The following ERO1B variants were observed in gnomAD, a reference collection of about 807,000 sequenced individuals.
The protein encoded by ERO1B is ERO1-like protein beta.
A neutral mutation model predicts 75.3 loss-of-function variants in ERO1B; 49 were observed. The observed-to-expected ratio is 0.65, with a 90% CI of 0.52 to 0.83. The LOEUF is 0.83. ERO1B is among the 40% of genes least tolerant of loss of function. The pLI is 0.00. For synonymous variants in ERO1B, 191 were observed against 192.9 expected, an observed-to-expected ratio of 0.99 and a Z score of 0.08; for missense variants, 512 against 560.1, an observed-to-expected ratio of 0.91 and a Z score of 0.87.
rs1572028026 is a variant in ERO1B, at chr1:236,221,689, A to G, written c.1209+235T>C. 12 of 422,906 alleles carry G rather than the reference A, an allele frequency of 2.8e-5. No homozygotes were observed. The East Asian group carries it at 4.8e-4, about 17-fold the overall frequency. 26.2% of individuals were successfully genotyped at this position (422,906 alleles called of 1,614,324 possible). A position where few individuals can be genotyped will look rare whatever the true frequency, so the allele number is the denominator to read the frequency against. The stretch of plus-strand genomic sequence containing the variant: ...CACAAATGAATCTGGTATTGTATCA[A>G]TAGAAACATAGACACAATAAAACTA... On this transcript the variant is annotated intron_variant, in intron 14 of 15. Transcript: ENST00000354619.
At position 236,221,929 on chromosome 1, in the gene ERO1B, A is replaced by C; in HGVS notation, c.1204T>G (p.Leu402Val). 6.2e-7 allele frequency: 1 copy of C among 1,612,306 alleles called. No homozygotes were observed. The highest frequency in any genetic ancestry group is 8.5e-7 in the Non-Finnish European group (1 of 1,178,524). Residue 402 changes from leucine (L) to valine (V), a missense_variant, in exon 14 of 16, where the codon TTA (leucine) becomes GTA (valine). Physicochemically the swap from Leu to Val is conservative, Grantham distance 32. Coordinates refer to ENST00000354619, the MANE Select transcript of ERO1B (RefSeq NM_019891.4). ...AGAGAAGACAACACATATACCTGTA[A>C]TTTTCCCCATAATCTGCATTTGTCA... ...GCDKCRLWGK[L>V]QTQGLGTALK...
chr1:236,224,313 T>C (rs2102939273), intron 13 of ERO1B, among the ~76,000 whole-genome samples: 1 of 152,184 alleles, frequency 6.6e-6, no homozygotes, highest in African/African-American at 2.4e-5. Flanking sequence ...GACTATGAAG[T>C]TGTACTCAAA....
rs774233833 is a variant in ERO1B at position 236,270,005 on chromosome 1, T to C, written c.103-11A>G. On this transcript the variant is annotated splice_polypyrimidine_tract_variant and intron_variant, in intron 1 of 15. Coordinates refer to ENST00000354619, the MANE Select transcript of ERO1B (RefSeq NM_019891.4). ...CAGAACTCCAGTGACCTAGAATTTA[T>C]ATAATTTAAAATATGTAAACTACTG... 27 of 1,554,902 alleles carry C rather than the reference T, an allele frequency of 1.7e-5. No individual in the cohort carries two copies. Among genetic ancestry groups the C allele is most frequent in the Non-Finnish European group, 2.3e-5 (26 of 1,141,202 alleles).
intron 2 of ERO1B, among the ~76,000 whole-genome samples, chr1:236,265,033 A>G (rs890130656): frequency 1.6e-5 from 2 of 122,324 alleles, no homozygotes; most frequent in African/African-American, 2.7e-5. Flanking sequence ...TTATGGCTCT[A>G]GTTATTTTTT....
intron 8 of ERO1B, among the ~76,000 whole-genome samples, chr1:236,233,600 GAAAA>G (rs59372414): frequency 1.7e-5 from 2 of 119,614 alleles, no homozygotes; most frequent in African/African-American, 6.0e-5. Context: ...TCTGTCTCAA[GAAAA>G]AAAAAAAAAG....
In ERO1B at chr1:236,245,577, TA is replaced by T. The variant is rs1490122393; in HGVS notation, c.432-2083del. On this transcript the variant is annotated intron_variant, in intron 5 of 15. Transcript: ENST00000354619. ...GTGTATATATATATATATATATATA[TA>T]TATTTTTTTTTTTTTTTTTTTTTTT... Among the ~76,000 whole-genome samples, 25 of 4,756 alleles carry T rather than the reference TA, an allele frequency of 5.3e-3. 5 individuals carry two copies. Among genetic ancestry groups the T allele is most frequent in the African/African-American group, 9.6e-3 (24 of 2,498 alleles). The allele number at this position is 4,756 out of a possible 152,430, so 3.1% of individuals were successfully genotyped here.
intron 15 of ERO1B, among the ~76,000 whole-genome samples, chr1:236,218,830 G>A (rs1664062846): frequency 2.0e-5 from 3 of 152,062 alleles, no homozygotes; most frequent in East Asian, 1.9e-4. Context: ...TCTTAATAAA[G>A]AATCTCAAAT....
chr1:236,274,393 T>G (rs1435638932), intron 1 of ERO1B, among the ~76,000 whole-genome samples: 1 of 152,246 alleles, frequency 6.6e-6, no homozygotes, highest in African/African-American at 2.4e-5. Context: ...AATGTTCATA[T>G]GTTTTATGAC....
intron 1 of ERO1B, among the ~76,000 whole-genome samples, chr1:236,275,177 TCCAAC>T (rs1294415971): frequency 6.6e-6 from 1 of 152,142 alleles, no homozygotes; most frequent in African/African-American, 2.4e-5. Context: ...CTGGGTGGTG[TCCAAC>T]AATTCAATTC....
rs558274205 is a variant in ERO1B, at chr1:236,215,225, C to T, written c.*3291G>A. On this transcript the variant is annotated 3_prime_UTR_variant, in exon 16 of 16. Transcript: ENST00000354619. Reference sequence around the variant, plus strand: ...CAAAGGTTCTAGAATCAGTCTTTCTCGTCTCAAATTCTTGCTCCACAACCT... The same window carrying T: ...CAAAGGTTCTAGAATCAGTCTTTCTTGTCTCAAATTCTTGCTCCACAACCT... 8.5e-5 allele frequency among the ~76,000 whole-genome samples: 13 copies of T among 152,316 alleles called. 1 individual carries two copies. The East Asian group carries it at 2.3e-3, about 27-fold the overall frequency.
intron 7 of ERO1B, among the ~76,000 whole-genome samples, chr1:236,236,067 G>A (rs1664534704): frequency 6.6e-6 from 1 of 152,124 alleles, no homozygotes; most frequent in Admixed American, 6.5e-5. Flanking sequence ...TGGGATTACA[G>A]GCACCTGCCA....
chr1:236,240,631 A>T (rs1244688242), intron 6 of ERO1B, among the ~76,000 whole-genome samples: 1 of 152,208 alleles, frequency 6.6e-6, no homozygotes, highest in Non-Finnish European at 1.5e-5. Flanking sequence ...CTATCATGCT[A>T]TTTAGGCTTT....
intron 4 of ERO1B, 71 bp from the exon 5 acceptor site, chr1:236,250,038 A>G: frequency 4.0e-6 from 4 of 999,956 alleles, no homozygotes; most frequent in Non-Finnish European, 5.9e-6. Context: ...TTGGCAGAAT[A>G]ATCAATCTGT....
chr1:236,265,614 T>C (rs1328005851), intron 2 of ERO1B, among the ~76,000 whole-genome samples: 2 of 152,228 alleles, frequency 1.3e-5, no homozygotes, highest in African/African-American at 4.8e-5. Context: ...CTATTTCTTG[T>C]CTTCTACCCT....
intron 9 of ERO1B, among the ~76,000 whole-genome samples, chr1:236,231,092 TATTG>T (rs138192766): frequency 0.43 from 65,743 of 151,824 alleles, 16,903 homozygotes; most frequent in Non-Finnish European, 0.59. Flanking sequence ...AACGTCCAAC[TATTG>T]ATTATTCCAT....
At position 236,281,758 on chromosome 1, in the gene ERO1B, C is replaced by A; in HGVS notation, c.26G>T (p.Gly9Val). The change falls in exon 1 of 16, where the codon GGC becomes GTC. Residue 9 changes from glycine (G) to valine (V), a missense_variant. By Grantham distance (109) the Gly-to-Val change is moderately radical. Transcript: ENST00000354619. ...CGCGGCCGCTACCCCCTGCCCAGCG[C>A]CTGCCCGGCGGACCCCTTGGCTCAT... MSQGVRRA[G>V]AGQGVAAAVQ... is the part of the protein sequence containing the mutation. The A allele has an allele frequency of 6.6e-7, 1 of 1,518,272 alleles. No individual in the cohort carries two copies. The highest frequency in any genetic ancestry group is 1.4e-5 in the African/African-American group (1 of 71,088). 94.1% of individuals were successfully genotyped at this position (1,518,272 alleles called of 1,614,324 possible).
In ERO1B at chr1:236,249,981, C is replaced by G. The variant is rs1664977001; in HGVS notation, c.349-14G>C. On this transcript the variant is annotated splice_polypyrimidine_tract_variant and intron_variant, in intron 4 of 15. Transcript: ENST00000354619. ...CATTTTCAAGTACTGCAAAGAAGTT[C>G]GTAAGTTTAGTAAAAATTATTACCT... The G allele has an allele frequency of 6.4e-7, 1 of 1,557,590 alleles. No individual in the cohort carries two copies. Among genetic ancestry groups the G allele is most frequent in the African/African-American group, 1.4e-5 (1 of 73,044 alleles).
chr1:236,279,331 C>T (rs1665771793), intron 1 of ERO1B, among the ~76,000 whole-genome samples: 1 of 146,742 alleles, frequency 6.8e-6, no homozygotes, highest in South Asian at 2.2e-4. Flanking sequence ...GGTGAAACCT[C>T]ATCTCTACTA....
intron 2 of ERO1B, among the ~76,000 whole-genome samples, chr1:236,269,278 G>A (rs958067624): frequency 2.6e-5 from 4 of 152,120 alleles, no homozygotes; most frequent in Non-Finnish European, 5.9e-5. Flanking sequence ...ATAAAATGTT[G>A]TTCTAAAATT....
Sources: gnomAD v4.1 joint callset for allele counts (sites outside exome capture counted in the v4.1 genomes callset) on GRCh38, gnomAD v4.1.1 for gene constraint, MANE v1.5 for transcripts, NCBI Gene and HGNC (gene_info 2026-07-23, HGNC 2026-07-21) for gene names.